CFAP44: variants seen among roughly 807,000 people sequenced by gnomAD.
CFAP44 encodes cilia- and flagella-associated protein 44.
A neutral mutation model predicts 216.2 loss-of-function variants in CFAP44; 134 were observed. The ratio of observed to expected loss-of-function variants is 0.62; its 90% CI spans 0.54 to 0.72. CFAP44 has a LOEUF of 0.72. Among genes scored for constraint, CFAP44 ranks in the 30% least tolerant of loss-of-function variants. The pLI is 0.00. For synonymous variants in CFAP44, 700 were observed against 727.6 expected, an observed-to-expected ratio of 0.96 and a Z score of 0.61; for missense variants, 2,035 against 2,182.1, an observed-to-expected ratio of 0.93 and a Z score of 1.34.
intron 15 of CFAP44, among the ~76,000 whole-genome samples, chr3:113,381,817 A>G (rs1192247479): frequency 2.6e-5 from 4 of 152,220 alleles, no homozygotes; most frequent in Non-Finnish European, 5.9e-5. Flanking sequence ...TTATAATAAG[A>G]AAAACATATA....
chr3:113,344,851 T>C, intron 22 of CFAP44, 139 bp from the exon 23 acceptor site: 1 of 739,748 alleles, frequency 1.4e-6, no homozygotes, highest in Non-Finnish European at 2.0e-6. Context: ...AACATATATA[T>C]ACCAACCAGG....
intron 26 of CFAP44, among the ~76,000 whole-genome samples, chr3:113,328,696 T>TAA (rs58650082): frequency 0.072 from 1,992 of 27,622 alleles, 192 homozygotes; most frequent in East Asian, 0.13. Flanking sequence ...TTAGAGAGCT[T>TAA]AAAAAAAAAA....
chr3:113,429,389 T>A lies in CFAP44; in HGVS notation c.101-2050A>T, dbSNP rs78553327. On this transcript the variant is annotated intron_variant, in intron 2 of 34. Transcript: ENST00000393845. ...CCTTTTACCCTTATGTCACTGGTAG[T>A]ACTCTTTGCCTTGAAGTCTATTTTA... is the stretch of plus-strand genomic sequence containing the variant. Among the ~76,000 whole-genome samples the A allele has an allele frequency of 6.2e-3, 946 of 152,264 alleles. 6 individuals carry two copies. Among genetic ancestry groups the A allele is most frequent in the Middle Eastern group, 0.031 (9 of 294 alleles).
chr3:113,324,039 T>C (rs1285124112), intron 28 of CFAP44, among the ~76,000 whole-genome samples: 1 of 116,820 alleles, frequency 8.6e-6, no homozygotes, highest in Non-Finnish European at 1.7e-5. Context: ...CAAGACTCCG[T>C]CTCAAAAAAA....
chr3:113,401,681 T>C lies in CFAP44; in HGVS notation c.1229A>G (p.Glu410Gly). ...ADVIDETGLL[E>G]IEPINELQVD... ...TTGAAGTTCATTAATAGGCTCAATC[T>C]CCAACAATCCAGTCTCATCTATTAC... Residue 410 changes from glutamate (E) to glycine (G), a missense_variant, in exon 10 of 35, where the codon GAG becomes GGG. This residue lies in a region of CFAP44 where 1,883 missense variants were observed against 2,023.7 expected (regional missense o/e 0.93). Transcript: ENST00000393845. 6.2e-7 allele frequency: 1 copy of C among 1,613,564 alleles called. No homozygotes were observed. Among genetic ancestry groups the C allele is most frequent in the Non-Finnish European group, 8.5e-7 (1 of 1,179,712 alleles).
chr3:113,356,631 C>T (rs372561747), intron 22 of CFAP44, among the ~76,000 whole-genome samples: 2 of 151,868 alleles, frequency 1.3e-5, no homozygotes, highest in African/African-American at 2.4e-5. Context: ...CTAGGTCAAT[C>T]GGATATCAAT....
intron 28 of CFAP44, among the ~76,000 whole-genome samples, chr3:113,318,657 A>G (rs954085474): frequency 5.3e-5 from 8 of 152,202 alleles, no homozygotes; most frequent in Admixed American, 1.3e-4. Context: ...AAAGAAAAAA[A>G]TCTTAAAGGC....
intron 1 of CFAP44, among the ~76,000 whole-genome samples, chr3:113,436,106 C>T (rs1935233243): frequency 1.3e-5 from 2 of 152,174 alleles, no homozygotes; most frequent in Non-Finnish European, 2.9e-5. Flanking sequence ...TAGTTATCCA[C>T]ATCTCAACAT....
chr3:113,370,473 CA>C (rs1278603952), intron 18 of CFAP44, among the ~76,000 whole-genome samples: 2 of 152,122 alleles, frequency 1.3e-5, no homozygotes, highest in Non-Finnish European at 2.9e-5. Flanking sequence ...GAACCAACGA[CA>C]AAAATCACAT....
intron 23 of CFAP44, among the ~76,000 whole-genome samples, chr3:113,343,773 A>G (rs1950356598): frequency 6.6e-6 from 1 of 152,254 alleles, no homozygotes; most frequent in Non-Finnish European, 1.5e-5. Context: ...ATTAAGTATC[A>G]GGACAGCGGT....
At chr3:113,305,793 G>A (rs113164275) in intron 30 of CFAP44, among the ~76,000 whole-genome samples, 108 of 151,762 alleles carry the variant, frequency 7.1e-4, no homozygotes, top group Non-Finnish European at 1.5e-4. Context: ...CATCTATTGG[G>A]GTATAAATTG....
intron 1 of CFAP44, among the ~76,000 whole-genome samples, chr3:113,438,926 C>T (rs1363779406): frequency 6.6e-6 from 1 of 152,158 alleles, no homozygotes; most frequent in African/African-American, 2.4e-5. Flanking sequence ...AGTTAATTCC[C>T]AATGCATCAT....
chr3:113,364,078 G>A (rs1950566730), intron 19 of CFAP44, among the ~76,000 whole-genome samples: 1 of 152,036 alleles, frequency 6.6e-6, no homozygotes, highest in Non-Finnish European at 1.5e-5. Flanking sequence ...TATGAAATCA[G>A]AAATACAAGT....
In CFAP44 at chr3:113,409,321, A is replaced by G. The variant is rs1356608585; in HGVS notation, c.675T>C (p.Asp225=). ...PSLRPYRVLR[D]GTEKGYAYVD... is the part of the protein sequence containing the mutation. ...CATAAGCATATCCCTTCTCAGTCCC[A>G]TCTGGAAGGATAAATGGAAGCCTAA... Residue 225 remains aspartate, a splice_region_variant and synonymous_variant, in exon 7 of 35, where the codon GAT becomes GAC. Transcript: ENST00000393845. The G allele has an allele frequency of 6.2e-7, 1 of 1,613,276 alleles. No individual in the cohort carries two copies. The highest frequency in any genetic ancestry group is 8.5e-7 in the Non-Finnish European group (1 of 1,179,488).
chr3:113,320,074 A>G (rs2107803301), intron 28 of CFAP44, among the ~76,000 whole-genome samples: 1 of 152,276 alleles, frequency 6.6e-6, no homozygotes, highest in African/African-American at 2.4e-5. Context: ...ACAATATTGA[A>G]TTCTGAAATT....
intron 8 of CFAP44, among the ~76,000 whole-genome samples, chr3:113,404,795 G>A (rs953899480): frequency 1.3e-5 from 2 of 152,146 alleles, no homozygotes; most frequent in African/African-American, 4.8e-5. Flanking sequence ...TTACAGAGGA[G>A]AACATTGAAG....
At chr3:113,405,440 C>T (rs546650037) in intron 8 of CFAP44, among the ~76,000 whole-genome samples, 49 of 152,186 alleles carry the variant, frequency 3.2e-4, no homozygotes, top group Non-Finnish European at 6.5e-4. Flanking sequence ...TCTGTTCTAG[C>T]TCATTTCCTT....
chr3:113,384,165 T>C (rs1933586898), intron 15 of CFAP44, among the ~76,000 whole-genome samples: 1 of 152,048 alleles, frequency 6.6e-6, no homozygotes, highest in Admixed American at 6.6e-5. Flanking sequence ...TTTACACCAT[T>C]CTCCTGCCTC....
intron 28 of CFAP44, among the ~76,000 whole-genome samples, chr3:113,320,627 G>A (rs902850713): frequency 6.6e-6 from 1 of 150,922 alleles, no homozygotes. Flanking sequence ...TTTATTAAGT[G>A]TTAAGTCACA....
Sources: allele counts gnomAD v4.1 joint callset (sites outside exome capture counted in the v4.1 genomes callset), GRCh38; gene constraint gnomAD v4.1.1; regional missense constraint gnomAD v4.1.1; transcripts MANE v1.5; gene names NCBI Gene and HGNC (gene_info 2026-07-23, HGNC 2026-07-21).